The following LOC400499 variants were observed in gnomAD, a reference collection of about 807,000 sequenced individuals.
the LOC400499 span, among the ~76,000 whole-genome samples, chr16:11,453,399 T>TG: frequency 6.6e-6 from 1 of 152,022 alleles, no homozygotes; most frequent in Non-Finnish European, 1.5e-5. Context: ...GCTTAGCATT[T>TG]GGGGGAAAGC....
At chr16:11,454,911 GA>G in the LOC400499 span, among the ~76,000 whole-genome samples, 1 of 152,228 alleles carries the variant, frequency 6.6e-6, no homozygotes, top group African/African-American at 2.4e-5. Flanking sequence ...GGAGGCTGCA[GA>G]ACCACAGCTG....
At chr16:11,398,368 C>A in the LOC400499 span, 1 of 1,232,144 alleles carries the variant, frequency 8.1e-7, no homozygotes, top group African/African-American at 1.6e-5. Flanking sequence ...TCACAGAGCC[C>A]CAGGTGGAGG....
the LOC400499 span, among the ~76,000 whole-genome samples, chr16:11,431,471 T>A: frequency 1.3e-5 from 2 of 152,136 alleles, no homozygotes; most frequent in African/African-American, 2.4e-5. Flanking sequence ...AGTGGCACAA[T>A]CTCAGCTCAC....
At chr16:11,503,839 C>T in the LOC400499 span, among the ~76,000 whole-genome samples, 9 of 152,348 alleles carry the variant, frequency 5.9e-5, no homozygotes, top group South Asian at 1.0e-3. Flanking sequence ...CTGCCACCAT[C>T]GCAGCTGGCC....
At chr16:11,448,177 C>G in the LOC400499 span, 1 of 1,363,580 alleles carries the variant, frequency 7.3e-7, no homozygotes, top group Non-Finnish European at 9.7e-7. Context: ...CTGCCCATCA[C>G]CCCCAGAAAT....
At chr16:11,448,552 A>G in the LOC400499 span, among the ~76,000 whole-genome samples, 6 of 144,904 alleles carry the variant, frequency 4.1e-5, no homozygotes, top group Non-Finnish European at 7.4e-5. Context: ...ACAAACAAAC[A>G]AACAAACAAA....
chr16:11,461,486 G>T, the LOC400499 span, among the ~76,000 whole-genome samples: 1 of 152,208 alleles, frequency 6.6e-6, no homozygotes, highest in African/African-American at 2.4e-5. Context: ...TTCCCGAAGT[G>T]CTGGGATTTC....
At chr16:11,446,675 G>C in the LOC400499 span, 4 of 1,533,482 alleles carry the variant, frequency 2.6e-6, no homozygotes, top group Non-Finnish European at 8.7e-7. Flanking sequence ...CACGCATGCA[G>C]GGAGTGAGGA....
chr16:11,426,676 C>G, the LOC400499 span, among the ~76,000 whole-genome samples: 1 of 150,974 alleles, frequency 6.6e-6, no homozygotes, highest in Non-Finnish European at 1.5e-5. Flanking sequence ...TACCTGTAAT[C>G]CCAGCACTTT....
the LOC400499 span, among the ~76,000 whole-genome samples, chr16:11,468,919 A>T: frequency 3.3e-5 from 5 of 152,246 alleles, no homozygotes; most frequent in Non-Finnish European, 7.3e-5. Context: ...GAGCCACTGC[A>T]TCCCACCTGA....
At chr16:11,402,035 AC>A in the LOC400499 span, 1 of 398,854 alleles carries the variant, frequency 2.5e-6, no homozygotes, top group Non-Finnish European at 4.4e-6. Context: ...CCTGACACTT[AC>A]CTGGTCCCTG....
chr16:11,399,367 G>C, the LOC400499 span: 1 of 769,638 alleles, frequency 1.3e-6, no homozygotes, highest in Non-Finnish European at 1.8e-6. Flanking sequence ...CCAGGATCCC[G>C]CAAGCACTGG....
At chr16:11,380,926 TC>T in the LOC400499 span, 1 of 158,814 alleles carries the variant, frequency 6.3e-6, no homozygotes, top group Non-Finnish European at 1.4e-5. Context: ...TCTCATCGAG[TC>T]CAAGGCTGCC....
the LOC400499 span, among the ~76,000 whole-genome samples, chr16:11,413,409 G>A: frequency 6.6e-6 from 1 of 152,242 alleles, no homozygotes; most frequent in East Asian, 1.9e-4. Flanking sequence ...GGGGTTGCTG[G>A]GTAATCTGAA....
chr16:11,380,341 C>T, the LOC400499 span, among the ~76,000 whole-genome samples: 24 of 151,658 alleles, frequency 1.6e-4, no homozygotes, highest in Non-Finnish European at 2.2e-4. Flanking sequence ...TTTCTCTGGC[C>T]GGACACAAGG....
At chr16:11,502,629 T>C in the LOC400499 span, among the ~76,000 whole-genome samples, 1 of 151,918 alleles carries the variant, frequency 6.6e-6, no homozygotes, top group African/African-American at 2.4e-5. Context: ...TTTTTTTTTT[T>C]TTTGAGACGG....
chr16:11,519,114 C>T, the LOC400499 span: 2 of 396,782 alleles, frequency 5.0e-6, no homozygotes, highest in African/African-American at 2.1e-5. Context: ...CCTCCCTTGA[C>T]CAGGTACCAA....
the LOC400499 span, among the ~76,000 whole-genome samples, chr16:11,504,833 G>T: frequency 1.3e-5 from 2 of 152,094 alleles, no homozygotes; most frequent in Non-Finnish European, 2.9e-5. Context: ...TGAGACAGGA[G>T]AATCACTTGA....
the LOC400499 span, among the ~76,000 whole-genome samples, chr16:11,497,489 C>T: frequency 6.6e-6 from 1 of 152,348 alleles, no homozygotes. Context: ...CCTCTGACTG[C>T]TTTGCCCAAG....
Sources: gnomAD v4.1 joint callset for allele counts (sites outside exome capture counted in the v4.1 genomes callset) on GRCh38, gnomAD v4.1.1 for gene constraint, MANE v1.5 for transcripts.